The following USH2A variants were observed in gnomAD, a reference collection of about 807,000 sequenced individuals.
USH2A encodes the protein usherin, also known as Usher syndrome 2A (autosomal recessive, mild).
In USH2A, 443 loss-of-function variants were observed where a neutral mutation model predicts 538.9. That is an observed-to-expected ratio of 0.82 (90% CI 0.76 to 0.89). The LOEUF is 0.89. USH2A is among the 40% of genes least tolerant of loss of function. The pLI, the probability that USH2A is intolerant of heterozygous loss-of-function variation, is 0.00. For missense variants in USH2A, 6,633 were observed against 6,324.8 expected, an observed-to-expected ratio of 1.05 and a Z score of -1.65; for synonymous variants, 2,413 against 2,273.5, an observed-to-expected ratio of 1.06 and a Z score of -1.75.
At chr1:216,141,676 T>C (rs539954407) in intron 21 of USH2A, among the ~76,000 whole-genome samples, 49 of 152,314 alleles carry the variant, frequency 3.2e-4, no homozygotes, top group African/African-American at 1.1e-3. Flanking sequence ...GAGTGGCTTG[T>C]ATTCTCAGGA....
chr1:215,758,782 T>C, intron 57 of USH2A, 30 bp from the exon 58 acceptor site: 1 of 1,607,282 alleles, frequency 6.2e-7, no homozygotes, highest in Non-Finnish European at 8.5e-7. Context: ...AGAATTGTGG[T>C]AAGGCCATGC....
At chr1:215,664,269 T>C (rs553404901) in intron 64 of USH2A, among the ~76,000 whole-genome samples, 1 of 152,320 alleles carries the variant, frequency 6.6e-6, no homozygotes, top group African/African-American at 2.4e-5. Flanking sequence ...TACATTCATA[T>C]GTTATAATAT....
At chr1:216,353,900 T>G (rs1356697313) in intron 4 of USH2A, among the ~76,000 whole-genome samples, 1 of 152,152 alleles carries the variant, frequency 6.6e-6, no homozygotes, top group Non-Finnish European at 1.5e-5. Flanking sequence ...ATAAGCCTTT[T>G]GTAGGAAACA....
At chr1:216,276,183 C>G (rs895929691) in intron 11 of USH2A, among the ~76,000 whole-genome samples, 2 of 152,160 alleles carry the variant, frequency 1.3e-5, no homozygotes, top group African/African-American at 4.8e-5. Context: ...GCTTTACCAG[C>G]TTTGGTAAGG....
chr1:215,776,217 C>A (rs61056565), intron 55 of USH2A, among the ~76,000 whole-genome samples: 1 of 152,054 alleles, frequency 6.6e-6, no homozygotes. Context: ...AGCTGCCATG[C>A]GCTGTTTGCA....
intron 58 of USH2A, 61 bp downstream of exon 58, chr1:215,758,527 TTCTTATC>T: frequency 6.5e-7 from 1 of 1,547,460 alleles, no homozygotes; most frequent in Non-Finnish European, 8.9e-7. Flanking sequence ...AACAGTTCTA[TTCTTATC>T]TCTAATTAAT....
intron 3 of USH2A, among the ~76,000 whole-genome samples, chr1:216,415,554 C>T (rs114162502): frequency 0.02 from 2,551 of 130,600 alleles, 84 homozygotes; most frequent in African/African-American, 0.068. Flanking sequence ...CTTGCTCTTT[C>T]GCCCAGGCTG....
chr1:215,695,875 T>C (rs1046341544), intron 61 of USH2A, among the ~76,000 whole-genome samples: 1 of 152,004 alleles, frequency 6.6e-6, no homozygotes, highest in Non-Finnish European at 1.5e-5. Flanking sequence ...CTCAGCCTCC[T>C]AGTAGCTGGA....
chr1:216,022,642 T>G (rs898785349), intron 32 of USH2A, among the ~76,000 whole-genome samples: 2 of 152,162 alleles, frequency 1.3e-5, no homozygotes, highest in African/African-American at 4.8e-5. Flanking sequence ...AAGAAAGACA[T>G]TTTTCCACCA....
chr1:216,143,999 G>A (rs1330478472), intron 21 of USH2A, among the ~76,000 whole-genome samples: 1 of 152,108 alleles, frequency 6.6e-6, no homozygotes, highest in African/African-American at 2.4e-5. Flanking sequence ...TTCTTTAGGG[G>A]GAACTAGTAA....
Position 216,250,915 on chromosome 1 carries a change from CT to C in USH2A, c.2154del (p.Ala719GlnfsTer37). 1 of 1,613,920 alleles carries C rather than the reference CT, an allele frequency of 6.2e-7. No individual in the cohort carries two copies. ...CHQNSGQCKC[K>X]ANVIGLRCDH... is the part of the protein sequence containing the mutation. ...GCGTTACACGTACCAATAACGTTTG[CT>C]TTGCACTTGCACTGGCCTGAATTTT... On this transcript the variant is annotated frameshift_variant, in exon 12 of 72. Transcript: ENST00000307340. LOFTEE classifies it high-confidence loss of function.
intron 32 of USH2A, among the ~76,000 whole-genome samples, chr1:216,046,006 G>GGGGT (rs1553294034): frequency 1.5e-5 from 2 of 137,670 alleles, no homozygotes; most frequent in Non-Finnish European, 3.1e-5. Context: ...CTATTTATCT[G>GGGGT]GTGTGTGTGT....
chr1:215,756,453 A>G (rs2488418), intron 58 of USH2A, among the ~76,000 whole-genome samples: 96,883 of 152,136 alleles, frequency 0.64, 34,565 homozygotes, highest in Middle Eastern at 0.81. Context: ...AACCTTGCTC[A>G]TCACCCTGAA....
At chr1:215,838,415 C>G (rs563982224) in intron 46 of USH2A, among the ~76,000 whole-genome samples, 1 of 152,138 alleles carries the variant, frequency 6.6e-6, no homozygotes, top group Non-Finnish European at 1.5e-5. Context: ...GGAAGATGCC[C>G]AAGTGACAGT....
At chr1:215,740,584 C>T (rs1660272175) in intron 60 of USH2A, among the ~76,000 whole-genome samples, 1 of 152,114 alleles carries the variant, frequency 6.6e-6, no homozygotes, top group Non-Finnish European at 1.5e-5. Flanking sequence ...ATGAAAAGCA[C>T]CATCTTTGGA....
intron 11 of USH2A, among the ~76,000 whole-genome samples, chr1:216,258,873 G>T (rs1044246663): frequency 7.2e-5 from 11 of 152,068 alleles, no homozygotes; most frequent in African/African-American, 2.7e-4. Context: ...CAATTTAAGA[G>T]AAAACTAGTT....
chr1:216,149,057 C>CAAA lies in USH2A; in HGVS notation c.4627+26194_4627+26195insTTT, dbSNP rs572606721. On this transcript the variant is annotated intron_variant, in intron 21 of 71. Coordinates refer to ENST00000307340, the MANE Select transcript of USH2A (RefSeq NM_206933.4). Reference sequence around the variant, plus strand: ...ATCTCTCAAACCCAAGCACCTTCTACAGAACAACTCCTTTCCTTCCTAGGC... The same window carrying CAAA: ...ATCTCTCAAACCCAAGCACCTTCTACAAAAGAACAACTCCTTTCCTTCCTAGGC... Among the ~76,000 whole-genome samples, 1,303 of 152,212 alleles carry CAAA rather than the reference C, an allele frequency of 8.6e-3. 22 individuals carry two copies. Among genetic ancestry groups the CAAA allele is most frequent in the African/African-American group, 0.028 (1,162 of 41,502 alleles).
At chr1:215,735,401 G>A (rs1440132766) in intron 60 of USH2A, among the ~76,000 whole-genome samples, 7 of 152,136 alleles carry the variant, frequency 4.6e-5, no homozygotes, top group Admixed American at 2.6e-4. Flanking sequence ...TTCTGTTAAA[G>A]TAAGTAGTGT....
chr1:216,282,034 C>A (rs527491341), intron 11 of USH2A, among the ~76,000 whole-genome samples: 4 of 151,740 alleles, frequency 2.6e-5, no homozygotes. Flanking sequence ...AGATTATTTG[C>A]GCATTTTAAA....
Sources: allele counts gnomAD v4.1 joint callset (sites outside exome capture counted in the v4.1 genomes callset), GRCh38; gene constraint gnomAD v4.1.1; transcripts MANE v1.5; gene names NCBI Gene and HGNC (gene_info 2026-07-23, HGNC 2026-07-21).